Variants in CBLC observed in about 807,000 individuals in gnomAD.
The protein encoded by CBLC is Cbl proto-oncogene C, also known as E3 ubiquitin-protein ligase CBL-C.
In CBLC, 46 loss-of-function variants were observed where a neutral mutation model predicts 58.6. The ratio of observed to expected loss-of-function variants is 0.79; its 90% CI spans 0.62 to 1.00. The LOEUF is 1.00. CBLC is among the 50% of genes least tolerant of loss of function. CBLC has a pLI of 0.00. For missense variants in CBLC, 655 were observed against 625.8 expected, an observed-to-expected ratio of 1.05 and a Z score of -0.50; for synonymous variants, 271 against 264.2, an observed-to-expected ratio of 1.03 and a Z score of -0.25.
Position 44,782,480 on chromosome 19 carries a change from C to T in CBLC, c.768C>T (p.Asp256=), listed in dbSNP as rs759141229. ...EVQERLQACR[D]KPGSYIFRPS... ...AAGAGCGTCTGCAGGCCTGCAGGGA[C>T]AAGCCAGGCAGGTAAAGGGTCCAGG... Residue 256 remains aspartate, a synonymous_variant, in exon 4 of 11, where the codon GAC becomes GAT. Transcript: ENST00000647358. The T allele has an allele frequency of 3.1e-6, 5 of 1,613,508 alleles. No homozygotes were observed. The highest frequency in any genetic ancestry group is 1.7e-4 in the Middle Eastern group (1 of 6,056).
At chr19:44,789,940 T>C in intron 5 of CBLC, 64 bp from the exon 6 acceptor site, 2 of 1,049,414 alleles carry the variant, frequency 1.9e-6, no homozygotes, top group Non-Finnish European at 1.5e-6. Context: ...GTAAAGGTAC[T>C]TGTTCATCTG....
chr19:44,781,848 G>A (rs1332914259), intron 3 of CBLC, among the ~76,000 whole-genome samples: 5 of 140,888 alleles, frequency 3.5e-5, no homozygotes. Flanking sequence ...AGGGTTTGAG[G>A]GAGGAGAGGG....
Position 44,797,502 on chromosome 19 carries a change from C to T in CBLC, c.1363-2879C>T, listed in dbSNP as rs906389843. ...CTTACCTCCGGTCATCTGCCTGCCT[C>T]GGCCTTCTTAAGTGCTGGGACTACA... On this transcript the variant is annotated intron_variant, in intron 9 of 10. Coordinates refer to ENST00000647358, the MANE Select transcript of CBLC (RefSeq NM_012116.4). Among the ~76,000 whole-genome samples, 40 of 151,584 alleles carry T rather than the reference C, an allele frequency of 2.6e-4. 1 individual carries two copies. Among genetic ancestry groups the T allele is most frequent in the African/African-American group, 9.2e-4 (38 of 41,240 alleles).
chr19:44,798,732 G>A lies in CBLC; in HGVS notation c.1363-1649G>A, dbSNP rs572623747. On this transcript the variant is annotated intron_variant, in intron 9 of 10. Coordinates refer to ENST00000647358, the MANE Select transcript of CBLC (RefSeq NM_012116.4). ...GCCTGGGCGACGGTGCAAAAACTCC[G>A]TCTCAAAAAGAAAGAAAGAAAGAAA... Among the ~76,000 whole-genome samples the A allele has an allele frequency of 5.9e-5, 9 of 152,054 alleles. No individual in the cohort carries two copies. In the South Asian group the frequency reaches 1.0e-3, roughly 18 times the overall value.
chr19:44,785,164 A>G (rs920941580), intron 5 of CBLC, among the ~76,000 whole-genome samples: 4 of 150,568 alleles, frequency 2.7e-5, no homozygotes, highest in Non-Finnish European at 5.9e-5. Flanking sequence ...TTTAGTAGAG[A>G]CAGGGTTTCA....
chr19:44,786,623 A>T (rs1027459974), intron 5 of CBLC, among the ~76,000 whole-genome samples: 3 of 152,008 alleles, frequency 2.0e-5, no homozygotes, highest in Non-Finnish European at 4.4e-5. Flanking sequence ...AAAAGAAAAA[A>T]AAATTGACAC....
chr19:44,785,922 G>A (rs1349841720), intron 5 of CBLC, among the ~76,000 whole-genome samples: 2 of 151,786 alleles, frequency 1.3e-5, no homozygotes, highest in East Asian at 1.9e-4. Context: ...GTGACAGAGC[G>A]AGACTCCATC....
chr19:44,794,533 T>C (rs1968141207), intron 9 of CBLC, among the ~76,000 whole-genome samples: 1 of 148,934 alleles, frequency 6.7e-6, no homozygotes, highest in African/African-American at 2.5e-5. Context: ...GGCGCAATCT[T>C]GGCTCACTGC....
chr19:44,782,266 C>G, intron 3 of CBLC, 104 bp from the exon 4 acceptor site: 4 of 1,525,398 alleles, frequency 2.6e-6, no homozygotes, highest in Non-Finnish European at 3.6e-6. Flanking sequence ...TGAGGCCCAC[C>G]ATGGGTGTGA....
rs1225323057 is a variant in CBLC, at chr19:44,781,383, G to A, written c.657+20G>A. ...TTTCAGGTCAGGGAAGGCCAAGGCT[G>A]GGAGCTAGACTTGGGTCCAGGAGGA... On this transcript the variant is annotated intron_variant, in intron 3 of 10. Transcript: ENST00000647358. 1 of 1,602,018 alleles carries A rather than the reference G, an allele frequency of 6.2e-7. No individual in the cohort carries two copies. The highest frequency in any genetic ancestry group is 1.1e-5 in the South Asian group (1 of 90,578).
intron 9 of CBLC, among the ~76,000 whole-genome samples, chr19:44,795,164 GC>G (rs1352149498): frequency 1.3e-5 from 2 of 151,596 alleles, no homozygotes; most frequent in Non-Finnish European, 1.5e-5. Flanking sequence ...TGCCACATTG[GC>G]CAGGCTGGTC....
At chr19:44,785,642 T>G (rs1177626230) in intron 5 of CBLC, among the ~76,000 whole-genome samples, 1 of 151,954 alleles carries the variant, frequency 6.6e-6, no homozygotes, top group African/African-American at 2.4e-5. Flanking sequence ...ATATAATTTT[T>G]TTAACATTTT....
At chr19:44,797,734 G>A (rs1399882062) in intron 9 of CBLC, among the ~76,000 whole-genome samples, 30 of 148,096 alleles carry the variant, frequency 2.0e-4, no homozygotes, top group East Asian at 8.0e-4. Context: ...CAGCCTGGGC[G>A]ACAGAGCAAG....
rs778376496 is a variant in CBLC at position 44,794,209 on chromosome 19, C to T, written c.1290C>T (p.Pro430=). Residue 430 remains proline (P), a synonymous_variant, in exon 9 of 11, where the codon CCC becomes CCT. Coordinates refer to ENST00000647358, the MANE Select transcript of CBLC (RefSeq NM_012116.4). ...CTTCCTCTGTCCCACCCCAGGTGCC[C>T]CTTTCGGCTCCTCCATTGCCCCCAC... is the stretch of plus-strand genomic sequence containing the variant. ...EGRELELGQV[P]LSAPPLPPRP... 2 of 1,610,652 alleles carry T rather than the reference C, an allele frequency of 1.2e-6. No individual in the cohort carries two copies. The highest frequency in any genetic ancestry group is 1.1e-5 in the South Asian group (1 of 90,676).
rs375639943 is a variant in CBLC at position 44,799,704 on chromosome 19, GAA to G, written c.1363-675_1363-674del. Among the ~76,000 whole-genome samples the G allele has an allele frequency of 6.0e-3, 899 of 149,222 alleles. 12 individuals are homozygous for G. The highest frequency in any genetic ancestry group is 0.021 in the African/African-American group (840 of 40,286). On this transcript the variant is annotated intron_variant, in intron 9 of 10. Transcript: ENST00000647358. Reference sequence around the variant, plus strand: ...AAAGAAAAGTAAAGAAAGAGAGAGAGAAAGAAAGGGAGAGAAAGAAGGAGGGA... The same window carrying G: ...AAAGAAAAGTAAAGAAAGAGAGAGAGAGAAAGGGAGAGAAAGAAGGAGGGA...
At chr19:44,794,383 C>T in intron 9 of CBLC, 102 bp downstream of exon 9, 1 of 1,008,148 alleles carries the variant, frequency 9.9e-7, no homozygotes. Flanking sequence ...GGGACTCATC[C>T]TTGGCACCCA....
chr19:44,793,398 G>C, intron 7 of CBLC, 76 bp from the exon 8 acceptor site: 1 of 1,446,458 alleles, frequency 6.9e-7, no homozygotes, highest in South Asian at 1.5e-5. Flanking sequence ...CTTTTGGGCG[G>C]GGAGCTCCTC....
At chr19:44,781,387 G>T in intron 3 of CBLC, 24 bp downstream of exon 3, 1 of 1,599,666 alleles carries the variant, frequency 6.3e-7, no homozygotes. Context: ...AAGGCTGGGA[G>T]CTAGACTTGG....
chr19:44,794,174 G>A, intron 8 of CBLC, 30 bp from the exon 9 acceptor site: 1 of 1,590,294 alleles, frequency 6.3e-7, no homozygotes, highest in Non-Finnish European at 8.5e-7. Context: ...CAGCTCACAA[G>A]CCCCTTCTCC....
Sources: gnomAD v4.1 joint callset for allele counts (sites outside exome capture counted in the v4.1 genomes callset) on GRCh38, gnomAD v4.1.1 for gene constraint, MANE v1.5 for transcripts, NCBI Gene and HGNC (gene_info 2026-07-23, HGNC 2026-07-21) for gene names.